NXPE3: variants seen among roughly 807,000 people sequenced by gnomAD.
NXPE3 encodes NXPE family member 3.
NXPE3 carries 26 observed loss-of-function variants against 46.1 expected under a neutral mutation model. That is an observed-to-expected ratio of 0.56 (90% CI 0.41 to 0.78). The LOEUF (loss-of-function observed/expected upper bound fraction) is 0.78, where lower values mean the gene tolerates loss of function less well. Among genes scored for constraint, NXPE3 ranks in the 30% least tolerant of loss-of-function variants. The pLI, the probability that NXPE3 is intolerant of heterozygous loss-of-function variation, is 0.00. For synonymous variants in NXPE3, 272 were observed against 257.9 expected, an observed-to-expected ratio of 1.05 and a Z score of -0.52; for missense variants, 620 against 686.0, an observed-to-expected ratio of 0.90 and a Z score of 1.07.
intron 6 of NXPE3, among the ~76,000 whole-genome samples, chr3:101,811,700 G>A (rs1352908478): frequency 6.8e-6 from 1 of 147,464 alleles, no homozygotes; most frequent in Non-Finnish European, 1.5e-5. Context: ...ATGATGTCTT[G>A]ATGCTTTGGT....
chr3:101,818,229 G>A (rs781594575), intron 7 of NXPE3, among the ~76,000 whole-genome samples: 2 of 152,126 alleles, frequency 1.3e-5, no homozygotes, highest in Non-Finnish European at 2.9e-5. Flanking sequence ...AGTAGATATT[G>A]TCCCCAAAAG....
intron 7 of NXPE3, among the ~76,000 whole-genome samples, chr3:101,817,556 G>A (rs1942026119): frequency 6.6e-6 from 1 of 152,154 alleles, no homozygotes; most frequent in Non-Finnish European, 1.5e-5. Flanking sequence ...GGGAGTCTGG[G>A]TAAGTTCCAG....
In NXPE3 at chr3:101,798,701, C is replaced by T. The variant is rs1007659121; in HGVS notation, c.94-2534C>T. ...AATCTCAGCGTACTGCAACCTCTGCCTCCTGGGTTCAAGCAATTCTCGTGC... is the reference window on the plus strand; with the variant it reads ...AATCTCAGCGTACTGCAACCTCTGCTTCCTGGGTTCAAGCAATTCTCGTGC... On this transcript the variant is annotated intron_variant, in intron 4 of 7. Transcript: ENST00000273347. Among the ~76,000 whole-genome samples the T allele has an allele frequency of 1.8e-4, 27 of 151,578 alleles. 1 individual carries two copies. The highest frequency in any genetic ancestry group is 1.3e-3 in the Admixed American group (20 of 15,226).
At chr3:101,804,733 A>G (rs1941328127) in intron 5 of NXPE3, among the ~76,000 whole-genome samples, 2 of 152,096 alleles carry the variant, frequency 1.3e-5, no homozygotes, top group African/African-American at 4.8e-5. Context: ...TAGCCTTGGT[A>G]TTTGGTTCCC....
intron 4 of NXPE3, among the ~76,000 whole-genome samples, chr3:101,797,193 T>C (rs1281495358): frequency 1.3e-5 from 2 of 152,186 alleles, no homozygotes; most frequent in African/African-American, 4.8e-5. Flanking sequence ...TCTGAGTGAA[T>C]GTAGTTGCTT....
rs745978528 is a variant in NXPE3 at position 101,824,101 on chromosome 3, TAAA to T, written c.*2167_*2169del. On this transcript the variant is annotated 3_prime_UTR_variant, in exon 8 of 8. Transcript: ENST00000273347. ...GGGCAACAGGGCAAGACCCTGTCTC[TAAA>T]AAAAAAAAAAAAAAAAAAAGAGGGA... is the stretch of plus-strand genomic sequence containing the variant. The T allele has an allele frequency of 2.0e-4, 17 of 85,566 alleles. No homozygotes were observed. The highest frequency in any genetic ancestry group is 2.7e-4 in the Admixed American group (2 of 7,430). The allele number at this position is 85,566 out of a possible 1,614,324, so 5.3% of individuals were successfully genotyped here. A position where few individuals can be genotyped will look rare whatever the true frequency, so the allele number is the denominator to read the frequency against.
Position 101,782,653 on chromosome 3 carries a change from G to A in NXPE3, c.-316-7G>A, listed in dbSNP as rs1251911895. Reference sequence around the variant, plus strand: ...TCTTTATTTTATTTCATTTTTTTTTGAGACAGAGTCCTGCTCTGTTGCCCA... The same window carrying A: ...TCTTTATTTTATTTCATTTTTTTTTAAGACAGAGTCCTGCTCTGTTGCCCA... On this transcript the variant is annotated splice_polypyrimidine_tract_variant and splice_region_variant and intron_variant, in intron 2 of 7. Transcript: ENST00000273347. 6.8e-6 allele frequency: 1 copy of A among 147,542 alleles called. No homozygotes were observed. The highest frequency in any genetic ancestry group is 1.5e-5 in the Non-Finnish European group (1 of 66,914). The allele number at this position is 147,542 out of a possible 1,614,324, so 9.1% of individuals were successfully genotyped here.
At chr3:101,821,329 C>A in intron 7 of NXPE3, 75 bp from the exon 8 acceptor site, 2 of 1,285,212 alleles carry the variant, frequency 1.6e-6, no homozygotes, top group Non-Finnish European at 2.2e-6. Flanking sequence ...TATTTGAAGC[C>A]ACTTAATAAG....
intron 6 of NXPE3, among the ~76,000 whole-genome samples, chr3:101,812,872 C>T (rs1023475442): frequency 4.1e-5 from 6 of 147,682 alleles, no homozygotes; most frequent in African/African-American, 1.5e-4. Context: ...CTCTAAGGTC[C>T]CATTCAACAG....
At chr3:101,790,151 G>T (rs771408109) in intron 4 of NXPE3, among the ~76,000 whole-genome samples, 2 of 152,040 alleles carry the variant, frequency 1.3e-5, no homozygotes, top group African/African-American at 2.4e-5. Context: ...ACAAAATATG[G>T]TCTATTTTGG....
intron 5 of NXPE3, among the ~76,000 whole-genome samples, chr3:101,805,333 T>G (rs771803604): frequency 1.4e-4 from 21 of 152,220 alleles, no homozygotes; most frequent in Non-Finnish European, 1.9e-4. Flanking sequence ...CTATGCTTAC[T>G]CAGTGTGTTT....
intron 5 of NXPE3, among the ~76,000 whole-genome samples, chr3:101,805,459 C>T (rs1315033636): frequency 2.7e-5 from 4 of 147,930 alleles, no homozygotes; most frequent in East Asian, 4.0e-4. Flanking sequence ...GATAGGGTGT[C>T]GCTTTGTCAT....
intron 4 of NXPE3, among the ~76,000 whole-genome samples, chr3:101,793,163 G>C (rs1940616054): frequency 6.6e-6 from 1 of 152,134 alleles, no homozygotes; most frequent in Non-Finnish European, 1.5e-5. Flanking sequence ...GGAGCTTTTG[G>C]GCTGAGATTA....
chr3:101,801,947 T>C lies in NXPE3; in HGVS notation c.806T>C (p.Leu269Pro). ...SRITHFKGGY[L>P]KGLLTAAESA... is the part of the protein sequence containing the mutation. ...ATTACCCATTTCAAAGGTGGATACC[T>C]GAAAGGTCTCCTAACCGCTGCAGAG... The change falls in exon 5 of 8, where the codon CTG becomes CCG. Residue 269 changes from leucine (L) to proline (P), a missense_variant. Leu to Pro is a moderately conservative substitution (Grantham distance 98). Coordinates refer to ENST00000273347, the MANE Select transcript of NXPE3 (RefSeq NM_145037.4). 1 of 1,613,546 alleles carries C rather than the reference T, an allele frequency of 6.2e-7. No homozygotes were observed. Among genetic ancestry groups the C allele is most frequent in the Non-Finnish European group, 8.5e-7 (1 of 1,179,908 alleles).
intron 4 of NXPE3, among the ~76,000 whole-genome samples, chr3:101,799,654 G>T (rs1450098480): frequency 6.6e-6 from 1 of 152,068 alleles, no homozygotes; most frequent in Non-Finnish European, 1.5e-5. Context: ...TTGAACTCCT[G>T]ACCTTGTGAT....
intron 7 of NXPE3, among the ~76,000 whole-genome samples, chr3:101,818,454 A>G (rs1942061340): frequency 6.6e-6 from 1 of 151,810 alleles, no homozygotes. Flanking sequence ...GTAGCTTGGT[A>G]TTTCCTTTGA....
chr3:101,792,493 A>T (rs1940577888), intron 4 of NXPE3, among the ~76,000 whole-genome samples: 3 of 152,138 alleles, frequency 2.0e-5, no homozygotes, highest in African/African-American at 7.2e-5. Context: ...CTAGCCAGTT[A>T]TTCCAGCACC....
At chr3:101,788,171 G>T (rs11916199) in intron 4 of NXPE3, among the ~76,000 whole-genome samples, 38,152 of 152,062 alleles carry the variant, frequency 0.25, 4,999 homozygotes, top group Middle Eastern at 0.37. Context: ...TTTCTATCAT[G>T]TGCTTTTGGA....
intron 4 of NXPE3, among the ~76,000 whole-genome samples, chr3:101,787,043 T>C (rs561513581): frequency 1.3e-5 from 2 of 151,888 alleles, no homozygotes; most frequent in East Asian, 3.9e-4. Flanking sequence ...GTCAACCTGG[T>C]GAAACCCCGT....
Sources: gnomAD v4.1 joint callset for allele counts (sites outside exome capture counted in the v4.1 genomes callset) on GRCh38, gnomAD v4.1.1 for gene constraint, MANE v1.5 for transcripts, NCBI Gene and HGNC (gene_info 2026-07-23, HGNC 2026-07-21) for gene names.